The following COL16A1 variants were observed in gnomAD, a reference collection of about 807,000 sequenced individuals.
COL16A1 encodes the protein collagen alpha-1(XVI) chain.
In COL16A1, 189 loss-of-function variants were observed where a neutral mutation model predicts 266.3. The ratio of observed to expected loss-of-function variants is 0.71; its 90% confidence interval spans 0.63 to 0.80. The LOEUF (loss-of-function observed/expected upper bound fraction) is 0.80. Ranked by LOEUF, COL16A1 falls within the 30% of genes least tolerant of loss-of-function variation. The probability of loss-of-function intolerance (pLI) is 0.00; values close to 1 mark genes in which losing one functional copy is unlikely to be tolerated. For synonymous variants in COL16A1, 740 were observed against 782.3 expected, an observed-to-expected ratio of 0.95 and a Z score of 0.90; for missense variants, 1,928 against 2,122.4, an observed-to-expected ratio of 0.91 and a Z score of 1.80.
At chr1:31,683,792 C>T (rs1314133544) in intron 33 of COL16A1, 44 bp from the exon 34 acceptor site, 2 of 1,613,596 alleles carry the variant, frequency 1.2e-6, no homozygotes, top group African/African-American at 2.7e-5. Context: ...GTTCCCCAGT[C>T]ACCCTTTCCC....
chr1:31,656,567 C>G lies in COL16A1; in HGVS notation c.4057-123G>C. The G allele has an allele frequency of 7.0e-7, 1 of 1,435,370 alleles. No homozygotes were observed. The highest frequency in any genetic ancestry group is 9.3e-7 in the Non-Finnish European group (1 of 1,075,648). 88.9% of individuals were successfully genotyped at this position (1,435,370 alleles called of 1,614,324 possible). ...GCCCCCAGGTGTGTCCAGCCCAGCT[C>G]TGTGTGAGAAAGGAGCGCAGCCTCC... On this transcript the variant is annotated intron_variant, in intron 65 of 70. Coordinates refer to ENST00000373672, the MANE Select transcript of COL16A1 (RefSeq NM_001856.4). The surrounding 1 kb of genome is among the most constrained non-coding windows in gnomAD (Gnocchi z 4.2).
At chr1:31,653,772 CACAT>C (rs1352652550) in intron 69 of COL16A1, 91 bp downstream of exon 69, 53 of 1,557,010 alleles carry the variant, frequency 3.4e-5, no homozygotes, top group African/African-American at 2.8e-4. Flanking sequence ...CACACACACA[CACAT>C]ACATCCCATA....
At chr1:31,686,198 C>A in intron 27 of COL16A1, 46 bp downstream of exon 27, 1 of 1,614,208 alleles carries the variant, frequency 6.2e-7, no homozygotes, top group Non-Finnish European at 8.5e-7. Context: ...ATCAGCCCCT[C>A]CCACCTTGTC....
Position 31,664,792 on chromosome 1 carries a change from T to A in COL16A1, c.3555+380A>T, listed in dbSNP as rs1641984765. 6.6e-6 allele frequency among the ~76,000 whole-genome samples: 1 copy of A among 152,058 alleles called. No homozygotes were observed. Among genetic ancestry groups the A allele is most frequent in the Admixed American group, 6.5e-5 (1 of 15,282 alleles). ...CTTCAGGACGTGCTTCCCCCTTCTCTCAGCTCCTCGCTCATCCTCCCGCCC... is the reference window on the plus strand; with the variant it reads ...CTTCAGGACGTGCTTCCCCCTTCTCACAGCTCCTCGCTCATCCTCCCGCCC... On this transcript the variant is annotated intron_variant, in intron 56 of 70. Transcript: ENST00000373672. This position sits in a 1 kb window ranked among gnomAD's most constrained non-coding sequence, Gnocchi z 5.5.
chr1:31,672,475 A>G lies in COL16A1; in HGVS notation c.3046T>C (p.Cys1016Arg). The change falls in exon 47 of 71, where the codon TGT becomes CGT. Residue 1016 changes from cysteine to arginine, a missense_variant. Physicochemically the swap from Cys to Arg is radical, Grantham distance 180. Around this residue, in one of 2 missense-constraint regions of COL16A1, gnomAD observed 1,552 missense variants for 1,637.2 expected, o/e 0.95. Transcript: ENST00000373672. ...RGDNSEGDPG[C>R]VGSPGLPGPP... The stretch of plus-strand genomic sequence containing the variant: ...CCAGGTAGGCCTGGGCTCCCAACAC[A>G]GCCAGGATCTCCCTCACTGTTGTCA... The G allele has an allele frequency of 6.2e-7, 1 of 1,614,086 alleles. No individual in the cohort carries two copies. Among genetic ancestry groups the G allele is most frequent in the East Asian group, 2.2e-5 (1 of 44,876 alleles).
chr1:31,656,205 A>T lies in COL16A1; in HGVS notation c.4101+195T>A. 1.2e-6 allele frequency: 1 copy of T among 819,926 alleles called. No homozygotes were observed. Among genetic ancestry groups the T allele is most frequent in the Non-Finnish European group, 1.9e-6 (1 of 525,172 alleles). The allele number at this position is 819,926 out of a possible 1,614,324, so 50.8% of individuals were successfully genotyped here. ...CAATCAGTGAGTAAATGAACTGGAG[A>T]TTTCCTTCCCCCCAACCACAGCTAA... is the stretch of plus-strand genomic sequence containing the variant. On this transcript the variant is annotated intron_variant, in intron 66 of 70. Transcript: ENST00000373672. This position sits in a 1 kb window ranked among gnomAD's most constrained non-coding sequence, Gnocchi z 4.2.
At position 31,680,921 on chromosome 1, in the gene COL16A1, C is replaced by A; in HGVS notation, c.2594G>T (p.Gly865Val). ...GGAACTCACCTTCTCTCCTCGTGGTCCTTTTTCACCCTGCAGGGAAGAAAC... is the reference window on the plus strand; with the variant it reads ...GGAACTCACCTTCTCTCCTCGTGGTACTTTTTCACCCTGCAGGGAAGAAAC... Reference protein sequence around the residue: ...TGLRGTPGEKGPRGEKGEPGE... With the variant: ...TGLRGTPGEKVPRGEKGEPGE... The change falls in exon 39 of 71, where the codon GGA becomes GTA. Residue 865 changes from glycine (G) to valine (V), a missense_variant. Around this residue, in one of 2 missense-constraint regions of COL16A1, gnomAD observed 1,552 missense variants for 1,637.2 expected, o/e 0.95. Transcript: ENST00000373672. 6.2e-7 allele frequency: 1 copy of A among 1,614,122 alleles called. No individual in the cohort carries two copies. Among genetic ancestry groups the A allele is most frequent in the South Asian group, 1.1e-5 (1 of 91,060 alleles).
intron 62 of COL16A1, among the ~76,000 whole-genome samples, chr1:31,659,328 T>C (rs77223908): frequency 0.011 from 1,709 of 152,258 alleles, 22 homozygotes; most frequent in East Asian, 0.048. Context: ...GGCAGTCTAC[T>C]TCCTGCTGTT....
chr1:31,669,077 C>T (rs984505724), intron 49 of COL16A1, among the ~76,000 whole-genome samples: 9 of 152,074 alleles, frequency 5.9e-5, no homozygotes, highest in Non-Finnish European at 1.2e-4. Flanking sequence ...AGGAGGATAC[C>T]CTTCAAGATA....
intron 57 of COL16A1, 38 bp from the exon 58 acceptor site, chr1:31,662,425 G>A (rs368196334): frequency 7.6e-5 from 122 of 1,601,686 alleles, no homozygotes; most frequent in African/African-American, 4.4e-4. Context: ...ATGCTGGTGC[G>A]GGAGCCCTAG....
At chr1:31,661,881 C>T (rs1435528990) in intron 58 of COL16A1, 177 bp from the exon 59 acceptor site, 15 of 678,306 alleles carry the variant, frequency 2.2e-5, no homozygotes, top group Middle Eastern at 3.1e-4. Flanking sequence ...AGCCCCTCTC[C>T]GGGCCTTAGC....
At chr1:31,666,345 G>T in intron 52 of COL16A1, 1 of 520,644 alleles carries the variant, frequency 1.9e-6, no homozygotes, top group Non-Finnish European at 3.4e-6. Context: ...GCATAGCTCT[G>T]ATTATGTCAC....
rs1382070396 is a variant in COL16A1, at chr1:31,655,164, C to T, written c.4290+150G>A. 3.0e-6 allele frequency: 4 copies of T among 1,325,274 alleles called. No homozygotes were observed. In the African/African-American group the frequency reaches 6.0e-5, roughly 20 times the overall value. 82.1% of individuals were successfully genotyped at this position (1,325,274 alleles called of 1,614,324 possible). A position where few individuals can be genotyped will look rare whatever the true frequency, so the allele number is the denominator to read the frequency against. On this transcript the variant is annotated intron_variant, in intron 67 of 70. Transcript: ENST00000373672. ...TCTGGGGAGAGGGTCCTATCATCCCCACCCTTCCGCACACAGTTAAGAGCT... is the reference window on the plus strand; with the variant it reads ...TCTGGGGAGAGGGTCCTATCATCCCTACCCTTCCGCACACAGTTAAGAGCT...
At chr1:31,693,297 C>G in intron 12 of COL16A1, 143 bp from the exon 13 acceptor site, 1 of 646,946 alleles carries the variant, frequency 1.5e-6, no homozygotes, top group South Asian at 1.7e-5. Context: ...GTGTCCTGCC[C>G]CACGCCTCCC....
intron 10 of COL16A1, 89 bp downstream of exon 10, chr1:31,695,672 C>T: frequency 8.0e-7 from 1 of 1,256,362 alleles, no homozygotes; most frequent in Non-Finnish European, 1.2e-6. Flanking sequence ...AGTCAGCCAG[C>T]ACCCCTATGC....
In COL16A1 at chr1:31,691,406, G is replaced by C. The variant is rs778204748; in HGVS notation, c.1398+11C>G. ...AGAAAAGCACAGCAGGAGAAGCAAGGGGGTACTCACCGGGGTCCCAGGCAG... is the reference window on the plus strand; with the variant it reads ...AGAAAAGCACAGCAGGAGAAGCAAGCGGGTACTCACCGGGGTCCCAGGCAG... On this transcript the variant is annotated intron_variant, in intron 19 of 70. Transcript: ENST00000373672. 2 of 1,607,116 alleles carry C rather than the reference G, an allele frequency of 1.2e-6. No homozygotes were observed. The highest frequency in any genetic ancestry group is 4.5e-5 in the East Asian group (2 of 44,756).
In COL16A1 at chr1:31,662,663, A is replaced by G; in HGVS notation, c.3556-5T>C. The G allele has an allele frequency of 6.5e-7, 1 of 1,536,074 alleles. No homozygotes were observed. Among genetic ancestry groups the G allele is most frequent in the Admixed American group, 2.0e-5 (1 of 50,442 alleles). On this transcript the variant is annotated splice_region_variant and splice_polypyrimidine_tract_variant and intron_variant, in intron 56 of 70. Coordinates refer to ENST00000373672, the MANE Select transcript of COL16A1 (RefSeq NM_001856.4). ...GCCTCGAATCCCTTCGCTGCCCTGGAAACCAGCGCCGCCCCCCCCCCCCGC... is the reference window on the plus strand; with the variant it reads ...GCCTCGAATCCCTTCGCTGCCCTGGGAACCAGCGCCGCCCCCCCCCCCCGC...
chr1:31,692,968 C>G lies in COL16A1; in HGVS notation c.1071+124G>C, dbSNP rs191746868. ...CTAGAAAGACCCTGGCCCTCACCCC[C>G]CTCCCGTGATCTGGGCCAAGCTGCA... On this transcript the variant is annotated intron_variant, in intron 13 of 70. Coordinates refer to ENST00000373672, the MANE Select transcript of COL16A1 (RefSeq NM_001856.4). The G allele has an allele frequency of 9.0e-5, 85 of 944,818 alleles. No individual in the cohort carries two copies. In the Admixed American group the frequency reaches 1.1e-3, roughly 12 times the overall value. The allele number at this position is 944,818 out of a possible 1,614,324, so 58.5% of individuals were successfully genotyped here. A position where few individuals can be genotyped will look rare whatever the true frequency, so the allele number is the denominator to read the frequency against.
At position 31,688,374 on chromosome 1, in the gene COL16A1, G is replaced by C. The variant is rs1644093307; in HGVS notation, c.1803+93C>G. The C allele has an allele frequency of 7.3e-7, 1 of 1,369,466 alleles. No individual in the cohort carries two copies. The highest frequency in any genetic ancestry group is 1.4e-5 in the African/African-American group (1 of 69,988). The allele number at this position is 1,369,466 out of a possible 1,614,324, so 84.8% of individuals were successfully genotyped here. A position where few individuals can be genotyped will look rare whatever the true frequency, so the allele number is the denominator to read the frequency against. On this transcript the variant is annotated intron_variant, in intron 26 of 70. Coordinates refer to ENST00000373672, the MANE Select transcript of COL16A1 (RefSeq NM_001856.4). This position sits in a 1 kb window ranked among gnomAD's most constrained non-coding sequence, Gnocchi z 4.9. ...TGTGAATTTACCGTCTGAATCTCTT[G>C]TTTATATTACCCTTATTCCCCGCCC...
Sources: allele counts gnomAD v4.1 joint callset (sites outside exome capture counted in the v4.1 genomes callset), GRCh38; gene constraint gnomAD v4.1.1; regional missense constraint gnomAD v4.1.1; non-coding constraint Gnocchi (gnomAD v3.1); transcripts MANE v1.5; gene names NCBI Gene and HGNC (gene_info 2026-07-23, HGNC 2026-07-21).